ENPP5: variants seen among roughly 807,000 people sequenced by gnomAD.
ENPP5 encodes the protein ectonucleotide pyrophosphatase/phosphodiesterase family member 5.
ENPP5 carries 27 observed loss-of-function variants against 33.7 expected under a neutral mutation model. The observed-to-expected ratio is 0.80, with a 90% CI of 0.59 to 1.11. The LOEUF (loss-of-function observed/expected upper bound fraction) is 1.11, where lower values mean the gene tolerates loss of function less well. Among genes scored for constraint, ENPP5 ranks in the 50% least tolerant of loss-of-function variants. The pLI is 0.00. For synonymous variants in ENPP5, 199 were observed against 200.5 expected, an observed-to-expected ratio of 0.99 and a Z score of 0.06; for missense variants, 552 against 579.2, an observed-to-expected ratio of 0.95 and a Z score of 0.48.
intron 3 of ENPP5, 97 bp from the exon 4 acceptor site, chr6:46,165,660 C>G: frequency 5.1e-6 from 5 of 970,958 alleles, no homozygotes; most frequent in Non-Finnish European, 7.2e-6. Context: ...AACCAGAGAG[C>G]TGAACATAAG....
intron 2 of ENPP5, among the ~76,000 whole-genome samples, chr6:46,169,193 C>T (rs2127499854): frequency 6.6e-6 from 1 of 152,238 alleles, no homozygotes; most frequent in South Asian, 2.1e-4. Flanking sequence ...TAATAAGACG[C>T]TGTATGGATA....
At chr6:46,165,728 T>C (rs1764525976) in intron 3 of ENPP5, among the ~76,000 whole-genome samples, 165 bp from the exon 4 acceptor site, 1 of 152,156 alleles carries the variant, frequency 6.6e-6, no homozygotes, top group African/African-American at 2.4e-5. Context: ...TAGGAAATAA[T>C]CTTCTGTTGT....
At chr6:46,166,002 C>T (rs565600996) in intron 3 of ENPP5, among the ~76,000 whole-genome samples, 1 of 152,234 alleles carries the variant, frequency 6.6e-6, no homozygotes, top group East Asian at 1.9e-4. Context: ...TCTGAAAACA[C>T]TGGAGGTGTT....
In ENPP5 at chr6:46,160,588, C is replaced by A. The variant is rs1216800267; in HGVS notation, c.*738G>T. 1 of 152,054 alleles carries A rather than the reference C, an allele frequency of 6.6e-6. No individual in the cohort carries two copies. Among genetic ancestry groups the A allele is most frequent in the Non-Finnish European group, 1.5e-5 (1 of 68,024 alleles). 9.4% of individuals were successfully genotyped at this position (152,054 alleles called of 1,614,324 possible). A position where few individuals can be genotyped will look rare whatever the true frequency, so the allele number is the denominator to read the frequency against. ...TGAAAATCACAGTAATATGACTCAT[C>A]AGGAAATCACAATAATTTTATGACA... On this transcript the variant is annotated 3_prime_UTR_variant, in exon 5 of 5. Transcript: ENST00000371383.
intron 3 of ENPP5, among the ~76,000 whole-genome samples, chr6:46,167,083 A>C (rs1335073647): frequency 6.6e-6 from 1 of 152,208 alleles, no homozygotes; most frequent in Admixed American, 6.5e-5. Flanking sequence ...TGGGGCTTCT[A>C]TGAAATAACT....
chr6:46,165,957 G>A (rs7770384), intron 3 of ENPP5, among the ~76,000 whole-genome samples: 66,695 of 151,838 alleles, frequency 0.44, 16,053 homozygotes, highest in South Asian at 0.67. Flanking sequence ...GGGAAAAGAG[G>A]CTGGAGGTGG....
chr6:46,165,887 G>T (rs1056418902), intron 3 of ENPP5, among the ~76,000 whole-genome samples: 4 of 152,032 alleles, frequency 2.6e-5, no homozygotes, highest in Non-Finnish European at 4.4e-5. Flanking sequence ...TCTGGTAGTT[G>T]TGAGTGCAGA....
rs755252981 is a variant in ENPP5, at chr6:46,161,435, A to C, written c.1325T>G (p.Ile442Ser). The C allele has an allele frequency of 6.2e-7, 1 of 1,613,714 alleles. No homozygotes were observed. Among genetic ancestry groups the C allele is most frequent in the African/African-American group, 1.3e-5 (1 of 74,908 alleles). Residue 442 changes from isoleucine to serine, a missense_variant, in exon 5 of 5, where the codon ATT becomes AGT. Physicochemically the swap from Ile to Ser is moderately radical, Grantham distance 142. Transcript: ENST00000371383. ...PYFIGVSLGS[I>S]IVIVFFVIFI... ...AATTACAAAAAATACAATCACTATA[A>C]TGCTGCCAAGAGAGACCCCTATGAA...
chr6:46,165,618 C>A lies in ENPP5; in HGVS notation c.830-55G>T, dbSNP rs564322076. ...ACAAAATACTCATAGCTACCATCAG[C>A]CATGGGCAACAGACTTGCTACGGAG... On this transcript the variant is annotated intron_variant, in intron 3 of 4. Transcript: ENST00000371383. 14 of 1,319,884 alleles carry A rather than the reference C, an allele frequency of 1.1e-5. No individual in the cohort carries two copies. In the Admixed American group the frequency reaches 3.8e-4, roughly 36 times the overall value. The allele number at this position is 1,319,884 out of a possible 1,614,324, so 81.8% of individuals were successfully genotyped here. A position where few individuals can be genotyped will look rare whatever the true frequency, so the allele number is the denominator to read the frequency against.
chr6:46,161,115 A>G lies in ENPP5; in HGVS notation c.*211T>C. 1 of 547,516 alleles carries G rather than the reference A, an allele frequency of 1.8e-6. No homozygotes were observed. Among genetic ancestry groups the G allele is most frequent in the South Asian group, 2.2e-5 (1 of 44,956 alleles). 33.9% of individuals were successfully genotyped at this position (547,516 alleles called of 1,614,324 possible). A position where few individuals can be genotyped will look rare whatever the true frequency, so the allele number is the denominator to read the frequency against. On this transcript the variant is annotated 3_prime_UTR_variant, in exon 5 of 5. Coordinates refer to ENST00000371383, the MANE Select transcript of ENPP5 (RefSeq NM_001290072.2). The stretch of plus-strand genomic sequence containing the variant: ...CCCTATGCTACAGTGAACAATGGAG[A>G]CATACTCTCACATCTTTATTCCTTT...
chr6:46,165,393 A>G lies in ENPP5; in HGVS notation c.1000T>C (p.Phe334Leu), dbSNP rs1454521071. ...WHILQNKSDD[F>L]LLGNHGYDNA... is the part of the protein sequence containing the mutation. ...AATACTGTAACATACTCACACAGAAAGTCATCTGACTTATTCTGTAAAATG... is the reference window on the plus strand; with the variant it reads ...AATACTGTAACATACTCACACAGAAGGTCATCTGACTTATTCTGTAAAATG... The change falls in exon 4 of 5, where the codon TTT becomes CTT. Residue 334 changes from phenylalanine to leucine, a missense_variant. Physicochemically the swap from Phe to Leu is conservative, Grantham distance 22. Coordinates refer to ENST00000371383, the MANE Select transcript of ENPP5 (RefSeq NM_001290072.2). 6.4e-7 allele frequency: 1 copy of G among 1,567,546 alleles called. No individual in the cohort carries two copies. Among genetic ancestry groups the G allele is most frequent in the Non-Finnish European group, 8.6e-7 (1 of 1,164,242 alleles).
rs1764388184 is a variant in ENPP5, at chr6:46,161,391, G to A, written c.1369C>T (p.His457Tyr). Residue 457 changes from histidine (H) to tyrosine (Y), a missense_variant, in exon 5 of 5, where the codon CAC becomes TAC. By Grantham distance (83) the His-to-Tyr change is moderately conservative. Transcript: ENST00000371383. ...TCTTGTAAGGCAGGTATTTGACTGT[G>A]AATTAAATGCTTAATGAAAATTACA... ...FFVIFIKHLIHSQIPALQDMH... is the reference protein window; with the variant it reads ...FFVIFIKHLIYSQIPALQDMH... 3 of 1,613,476 alleles carry A rather than the reference G, an allele frequency of 1.9e-6. No individual in the cohort carries two copies. The highest frequency in any genetic ancestry group is 2.5e-6 in the Non-Finnish European group (3 of 1,179,620).
intron 3 of ENPP5, 21 bp from the exon 4 acceptor site, chr6:46,165,584 G>C: frequency 1.3e-6 from 2 of 1,518,578 alleles, no homozygotes; most frequent in Non-Finnish European, 8.8e-7. Flanking sequence ...GGGAGGAGAG[G>C]CACTCAGAAC....
chr6:46,161,658 T>C lies in ENPP5; in HGVS notation c.1102A>G (p.Met368Val), dbSNP rs1490422226. The change falls in exon 5 of 5, where the codon ATG (methionine) becomes GTG (valine). Residue 368 changes from methionine (M) to valine (V), a missense_variant. Met to Val is a conservative substitution (Grantham distance 21). Transcript: ENST00000371383. ...AFRKNFSKEA[M>V]NSTDLYPLLC... is the part of the protein sequence containing the mutation. ...AGTGGGTACAAATCTGTGGAGTTCA[T>C]GGCTTCTTTTGAGAAATTCTTTCTG... 2.5e-5 allele frequency: 41 copies of C among 1,613,704 alleles called. No homozygotes were observed. The highest frequency in any genetic ancestry group is 3.2e-5 in the Non-Finnish European group (38 of 1,179,724).
chr6:46,167,322 G>T, intron 3 of ENPP5, 112 bp downstream of exon 3: 1 of 709,978 alleles, frequency 1.4e-6, no homozygotes, highest in Non-Finnish European at 2.4e-6. Flanking sequence ...ATATTACCAT[G>T]ACACAGGCAA....
chr6:46,161,522 G>A lies in ENPP5; in HGVS notation c.1238C>T (p.Thr413Ile), dbSNP rs762919579. 1.2e-6 allele frequency: 2 copies of A among 1,613,826 alleles called. No individual in the cohort carries two copies. The highest frequency in any genetic ancestry group is 1.3e-5 in the African/African-American group (1 of 74,914). Residue 413 changes from threonine to isoleucine, a missense_variant, in exon 5 of 5, where the codon ACT (threonine) becomes ATT (isoleucine). Transcript: ENST00000371383. The part of the protein sequence containing the change: ...MPRVVPYTQS[T>I]ILLPGSVKPA... ...TTTAACACTACCAGGGAGGAGTATA[G>A]TACTCTGTGTATAAGGGACCACCCT... is the stretch of plus-strand genomic sequence containing the variant.
chr6:46,168,486 C>G (rs1348449157), intron 2 of ENPP5, among the ~76,000 whole-genome samples, 189 bp from the exon 3 acceptor site: 6 of 152,136 alleles, frequency 3.9e-5, no homozygotes, highest in Non-Finnish European at 7.4e-5. Context: ...ATAAGTTTAG[C>G]TGCATTTAAA....
At chr6:46,164,419 G>C (rs1764475762) in intron 4 of ENPP5, among the ~76,000 whole-genome samples, 2 of 152,048 alleles carry the variant, frequency 1.3e-5, no homozygotes, top group South Asian at 4.1e-4. Context: ...GGGGCATTAG[G>C]GCTTAACTAT....
rs750236145 is a variant in ENPP5, at chr6:46,165,587, C to G, written c.830-24G>C. The G allele has an allele frequency of 6.6e-6, 10 of 1,507,560 alleles. No homozygotes were observed. In the African/African-American group the frequency reaches 1.4e-4, roughly 21 times the overall value. The allele number at this position is 1,507,560 out of a possible 1,614,324, so 93.4% of individuals were successfully genotyped here. A position where few individuals can be genotyped will look rare whatever the true frequency, so the allele number is the denominator to read the frequency against. ...ACCTAAAGAGAAGGGAGGAGAGGCA[C>G]TCAGAACAAAATACTCATAGCTACC... On this transcript the variant is annotated intron_variant, in intron 3 of 4. Transcript: ENST00000371383.
Sources: allele counts gnomAD v4.1 joint callset (sites outside exome capture counted in the v4.1 genomes callset), GRCh38; gene constraint gnomAD v4.1.1; transcripts MANE v1.5; gene names NCBI Gene and HGNC (gene_info 2026-07-23, HGNC 2026-07-21).